SHANK2: variants seen among roughly 807,000 people sequenced by gnomAD.
The protein encoded by SHANK2 is SH3 and multiple ankyrin repeat domains 2.
Under a neutral mutation model 133.7 loss-of-function variants are expected in SHANK2, and 43 were observed. The observed-to-expected ratio is 0.32, with a 90% CI of 0.25 to 0.41. The LOEUF (loss-of-function observed/expected upper bound fraction) is 0.41, where lower values mean the gene tolerates loss of function less well. Among genes scored for constraint, SHANK2 ranks in the 10% least tolerant of loss-of-function variants. SHANK2 has a pLI of 1.00. For missense variants in SHANK2, 1,994 were observed against 2,235.8 expected, an observed-to-expected ratio of 0.89 and a Z score of 2.18; for synonymous variants, 1,017 against 952.8, an observed-to-expected ratio of 1.07 and a Z score of -1.24.
intron 6 of SHANK2, among the ~76,000 whole-genome samples, chr11:71,105,349 T>G (rs1555097572): frequency 6.6e-6 from 1 of 151,812 alleles, no homozygotes; most frequent in African/African-American, 2.4e-5. Context: ...TCCCAGCACT[T>G]TGGGAGGCTG....
chr11:71,228,622 G>A (rs782532259), intron 1 of SHANK2, among the ~76,000 whole-genome samples: 1 of 152,216 alleles, frequency 6.6e-6, no homozygotes, highest in Non-Finnish European at 1.5e-5. Context: ...GCTGGGCCTT[G>A]TAGTGGGTGC....
At chr11:70,609,833 C>CAT (rs2060635819) in intron 17 of SHANK2, among the ~76,000 whole-genome samples, 4 of 5,780 alleles carry the variant, frequency 6.9e-4, no homozygotes, top group East Asian at 7.5e-3. Flanking sequence ...CCATAATATA[C>CAT]AATATGGAAT....
At chr11:70,721,772 CT>C (rs531806890) in intron 14 of SHANK2, among the ~76,000 whole-genome samples, 39 of 152,380 alleles carry the variant, frequency 2.6e-4, no homozygotes, top group Admixed American at 5.9e-4. Flanking sequence ...GGTGCAGTGT[CT>C]TTTCCTAACC....
intron 6 of SHANK2, among the ~76,000 whole-genome samples, chr11:71,100,955 C>T (rs1023348943): frequency 2.7e-5 from 4 of 150,930 alleles, no homozygotes; most frequent in East Asian, 3.9e-4. Context: ...GAGGGATGGA[C>T]GGGTGGAGCA....
intron 17 of SHANK2, among the ~76,000 whole-genome samples, chr11:70,505,978 AAGC>A (rs1358809010): frequency 1.3e-5 from 2 of 152,058 alleles, no homozygotes; most frequent in African/African-American, 2.4e-5. Context: ...GCTTTGGGAG[AAGC>A]AGTTTGTTCC....
intron 13 of SHANK2, among the ~76,000 whole-genome samples, chr11:70,802,741 C>T (rs1186093294): frequency 3.3e-5 from 5 of 152,198 alleles, no homozygotes; most frequent in Non-Finnish European, 5.9e-5. Flanking sequence ...TGTCCACCTA[C>T]CTAATGTCAC....
chr11:71,149,249 G>A (rs1952714144), intron 2 of SHANK2, among the ~76,000 whole-genome samples: 1 of 152,180 alleles, frequency 6.6e-6, no homozygotes, highest in Non-Finnish European at 1.5e-5. Context: ...CGCCACTGGT[G>A]TGCCTCAAAG....
chr11:71,209,857 A>G (rs117254021), intron 2 of SHANK2, among the ~76,000 whole-genome samples: 7,026 of 151,962 alleles, frequency 0.046, 215 homozygotes, highest in Non-Finnish European at 0.051. Flanking sequence ...CCTGCCTGGC[A>G]CCCCGTGGGG....
chr11:70,507,987 G>A (rs1366642817), intron 17 of SHANK2, among the ~76,000 whole-genome samples: 1 of 152,232 alleles, frequency 6.6e-6, no homozygotes, highest in African/African-American at 2.4e-5. Context: ...CTCCTGCAAC[G>A]CACATTTGCT....
intron 9 of SHANK2, among the ~76,000 whole-genome samples, chr11:71,069,067 C>T (rs1951107024): frequency 6.6e-6 from 1 of 150,988 alleles, no homozygotes; most frequent in Non-Finnish European, 1.5e-5. Flanking sequence ...ATTACCATCA[C>T]CATCACCACC....
At position 71,092,464 on chromosome 11, in the gene SHANK2, A is replaced by T; in HGVS notation, c.870T>A (p.Thr290=). 1 of 1,551,512 alleles carries T rather than the reference A, an allele frequency of 6.4e-7. No individual in the cohort carries two copies. The highest frequency in any genetic ancestry group is 8.7e-7 in the Non-Finnish European group (1 of 1,146,970). ...CCELLLHEHA[T]VCCKDENGWH... is the part of the protein sequence containing the mutation. ...AGCCGTTCTCATCTTTGCAGCACACAGTGGCGTGTTCGTGCAGGAGAAGCT... is the reference window on the plus strand; with the variant it reads ...AGCCGTTCTCATCTTTGCAGCACACTGTGGCGTGTTCGTGCAGGAGAAGCT... The change falls in exon 8 of 26, where the codon ACT becomes ACA. Residue 290 remains threonine, a synonymous_variant. Coordinates refer to ENST00000601538, the MANE Select transcript of SHANK2 (RefSeq NM_012309.5).
intron 4 of SHANK2, among the ~76,000 whole-genome samples, chr11:71,116,818 C>T (rs535668132): frequency 6.7e-4 from 102 of 152,230 alleles, no homozygotes; most frequent in Admixed American, 1.5e-3. Flanking sequence ...TGTTAGTTCA[C>T]GGGGGAGCCA....
chr11:70,919,667 C>T (rs1950320525), intron 10 of SHANK2, among the ~76,000 whole-genome samples: 1 of 152,208 alleles, frequency 6.6e-6, no homozygotes, highest in Admixed American at 6.5e-5. Context: ...CAGGCATGAG[C>T]CACAGTGCCC....
At chr11:70,899,242 C>G (rs1200943594) in intron 10 of SHANK2, among the ~76,000 whole-genome samples, 1 of 152,046 alleles carries the variant, frequency 6.6e-6, no homozygotes, top group Non-Finnish European at 1.5e-5. Context: ...GGTGGTTTCC[C>G]CGTGCTGTTC....
In SHANK2 at chr11:71,118,940, G is replaced by T; in HGVS notation, c.300C>A (p.Asn100Lys). ...TGCTGGCCGGCTGGAACAGGCCGTA[G>T]TTCAGGACATCTTTCAAACTCTGGG... ...TLTQSLKDVL[N>K]YGLFQPASNG... is the part of the protein sequence containing the mutation. Residue 100 changes from asparagine to lysine, a missense_variant, in exon 4 of 26, where the codon AAC becomes AAA. By Grantham distance (94) the Asn-to-Lys change is moderately conservative. Transcript: ENST00000601538. The T allele has an allele frequency of 3.2e-6, 5 of 1,551,762 alleles. No homozygotes were observed. Among genetic ancestry groups the T allele is most frequent in the Non-Finnish European group, 4.4e-6 (5 of 1,147,014 alleles).
Position 71,196,535 on chromosome 11 carries a change from C to T in SHANK2, c.-13+28162G>A, listed in dbSNP as rs557958385. On this transcript the variant is annotated intron_variant, in intron 2 of 25. Transcript: ENST00000601538. ...TCTGGGCCTCATGATCCACCCATCTCGGCCTCCCAAAGTGCTGGAATTGTA... is the reference window on the plus strand; with the variant it reads ...TCTGGGCCTCATGATCCACCCATCTTGGCCTCCCAAAGTGCTGGAATTGTA... 3.9e-5 allele frequency among the ~76,000 whole-genome samples: 6 copies of T among 152,062 alleles called. No individual in the cohort carries two copies. In the South Asian group the frequency reaches 6.2e-4, roughly 16 times the overall value.
intron 14 of SHANK2, among the ~76,000 whole-genome samples, chr11:70,755,998 C>T (rs1293867433): frequency 3.9e-5 from 6 of 152,330 alleles, no homozygotes; most frequent in East Asian, 1.9e-4. Flanking sequence ...CACCGAGCCC[C>T]GGACCCCACT....
intron 17 of SHANK2, among the ~76,000 whole-genome samples, chr11:70,644,933 C>T (rs1033122320): frequency 6.6e-5 from 10 of 152,150 alleles, no homozygotes; most frequent in East Asian, 3.9e-4. Flanking sequence ...CAAAAGATCT[C>T]GTCAAAGGCT....
chr11:70,753,739 C>T (rs1946802900), intron 14 of SHANK2, among the ~76,000 whole-genome samples: 1 of 151,786 alleles, frequency 6.6e-6, no homozygotes, highest in Non-Finnish European at 1.5e-5. Flanking sequence ...TAAACTAATT[C>T]TCTAAAAGTT....
Sources: gnomAD v4.1 joint callset for allele counts (sites outside exome capture counted in the v4.1 genomes callset) on GRCh38, gnomAD v4.1.1 for gene constraint, MANE v1.5 for transcripts, NCBI Gene and HGNC (gene_info 2026-07-23, HGNC 2026-07-21) for gene names.